KCNJ14: variants seen among roughly 807,000 people sequenced by gnomAD.
KCNJ14 encodes the protein ATP-sensitive inward rectifier potassium channel 14.
Under a neutral mutation model 24.5 loss-of-function variants are expected in KCNJ14, and 18 were observed. The ratio of observed to expected loss-of-function variants is 0.74; its 90% CI spans 0.51 to 1.09. The LOEUF is 1.09. Ranked by LOEUF, KCNJ14 falls within the 50% of genes least tolerant of loss-of-function variation. The pLI is 0.00. For missense variants in KCNJ14, 633 were observed against 623.0 expected, an observed-to-expected ratio of 1.02 and a Z score of -0.17; for synonymous variants, 288 against 270.8, an observed-to-expected ratio of 1.06 and a Z score of -0.63.
chr19:48,463,280 G>A (rs918372739), intron 2 of KCNJ14, among the ~76,000 whole-genome samples: 2 of 152,134 alleles, frequency 1.3e-5, no homozygotes, highest in African/African-American at 2.4e-5. Flanking sequence ...AGAGGATCGG[G>A]GGTGGTGGGA....
chr19:48,464,998 G>A lies in KCNJ14; in HGVS notation c.*221G>A, dbSNP rs1036477959. Reference sequence around the variant, plus strand: ...GTGCTCCCTCCTGAGAACCCTTTATGAGCCTGATTCCTCAGTCTCACCAGA... The same window carrying A: ...GTGCTCCCTCCTGAGAACCCTTTATAAGCCTGATTCCTCAGTCTCACCAGA... On this transcript the variant is annotated 3_prime_UTR_variant, in exon 3 of 3. Transcript: ENST00000342291. 1.4e-5 allele frequency: 8 copies of A among 557,782 alleles called. No individual in the cohort carries two copies. Among genetic ancestry groups the A allele is most frequent in the East Asian group, 5.8e-5 (2 of 34,566 alleles). 34.6% of individuals were successfully genotyped at this position (557,782 alleles called of 1,614,324 possible). A position where few individuals can be genotyped will look rare whatever the true frequency, so the allele number is the denominator to read the frequency against.
intron 1 of KCNJ14, 96 bp downstream of exon 1, chr19:48,455,954 T>C (rs755830902): frequency 9.2e-5 from 14 of 152,052 alleles, no homozygotes; most frequent in Non-Finnish European, 1.8e-4. Flanking sequence ...GAAACCAGAG[T>C]GCTCTTGAGA....
rs1971605481 is a variant in KCNJ14, at chr19:48,462,051, G to A, written c.327G>A (p.Trp109Ter). ...GGCTGCTCTTCGGCCTGGCCTTCTG[G>A]CTCATTGCCTCGCTGCACGGCGACC... is the stretch of plus-strand genomic sequence containing the variant. Reference protein sequence around the residue: ...ASWLLFGLAFWLIASLHGDLA... With the variant: ...ASWLLFGLAF The change falls in exon 2 of 3, where the codon TGG (tryptophan) becomes TGA (stop). Residue 109 changes from tryptophan to a stop codon, truncating the protein, a stop_gained. Coordinates refer to ENST00000342291, the MANE Select transcript of KCNJ14 (RefSeq NM_013348.4). LOFTEE classifies it high-confidence loss of function. The surrounding 1 kb of genome is among the most constrained non-coding windows in gnomAD (Gnocchi z 4.9). The A allele has an allele frequency of 3.1e-6, 5 of 1,610,638 alleles. No homozygotes were observed. In the African/African-American group the frequency reaches 6.7e-5, roughly 21 times the overall value.
intron 1 of KCNJ14, among the ~76,000 whole-genome samples, chr19:48,459,220 A>G (rs950977494): frequency 6.7e-6 from 1 of 149,492 alleles, no homozygotes; most frequent in Non-Finnish European, 1.5e-5. Flanking sequence ...AGCCTGGGCA[A>G]CTAAGCAAGA....
In KCNJ14 at chr19:48,464,356, T is replaced by C. The variant is rs745329360; in HGVS notation, c.890T>C (p.Phe297Ser). The C allele has an allele frequency of 6.2e-7, 1 of 1,613,242 alleles. No individual in the cohort carries two copies. Among genetic ancestry groups the C allele is most frequent in the South Asian group, 1.1e-5 (1 of 90,882 alleles). ...CGTGCCGAGCTGGCCAGGGCTGACT[T>C]TGAGCTGGTGGTCATTCTCGAGGGG... ...LGRAELARAD[F>S]ELVVILEGMV... is the part of the protein sequence containing the mutation. The change falls in exon 3 of 3, where the codon TTT (phenylalanine) becomes TCT (serine). Residue 297 changes from phenylalanine (F) to serine (S), a missense_variant. Transcript: ENST00000342291.
At chr19:48,456,109 C>T (rs1416001617) in intron 1 of KCNJ14, 2 of 152,280 alleles carry the variant, frequency 1.3e-5, no homozygotes, top group Admixed American at 1.3e-4. Context: ...AAAGCCAGGT[C>T]CCTTCATCAA....
In KCNJ14 at chr19:48,462,455, A is replaced by G; in HGVS notation, c.714+17A>G. On this transcript the variant is annotated intron_variant, in intron 2 of 2. Transcript: ENST00000342291. The surrounding 1 kb of genome is among the most constrained non-coding windows in gnomAD (Gnocchi z 4.9). ...CTGCTGCAGGTGCGCCCGGGAGGAG[A>G]GGCGGGGACTTCCGTGAGCCCTGGG... 6.9e-7 allele frequency: 1 copy of G among 1,451,512 alleles called. No individual in the cohort carries two copies. The highest frequency in any genetic ancestry group is 9.1e-7 in the Non-Finnish European group (1 of 1,097,668). 89.9% of individuals were successfully genotyped at this position (1,451,512 alleles called of 1,614,324 possible).
chr19:48,462,544 A>G lies in KCNJ14; in HGVS notation c.714+106A>G. On this transcript the variant is annotated intron_variant, in intron 2 of 2. Transcript: ENST00000342291. The surrounding 1 kb of genome is among the most constrained non-coding windows in gnomAD (Gnocchi z 4.9). ...CGGTCCTGGAGGGGGCGTGGACTAC[A>G]ACTCCCAGCAGCCTCTTGGGCCTGG... is the stretch of plus-strand genomic sequence containing the variant. 1 of 825,970 alleles carries G rather than the reference A, an allele frequency of 1.2e-6. No homozygotes were observed. The highest frequency in any genetic ancestry group is 1.8e-6 in the Non-Finnish European group (1 of 552,186). 51.2% of individuals were successfully genotyped at this position (825,970 alleles called of 1,614,324 possible).
intron 1 of KCNJ14, among the ~76,000 whole-genome samples, chr19:48,460,730 G>T (rs773518657): frequency 1.5e-4 from 23 of 152,212 alleles, no homozygotes; most frequent in Non-Finnish European, 3.1e-4. Flanking sequence ...TCAGTACATA[G>T]ATTTAGCACT....
rs397711889 is a variant in KCNJ14 at position 48,465,322 on chromosome 19, CAAA to C, written c.*557_*559del. ...AAGATCATCTTGATTGACCAAAGAC[CAAA>C]AAAAAAAAAAAGACCTGTGGTTCCA... On this transcript the variant is annotated 3_prime_UTR_variant, in exon 3 of 3. Transcript: ENST00000342291. 3.1e-5 allele frequency: 4 copies of C among 130,950 alleles called. No homozygotes were observed. The highest frequency in any genetic ancestry group is 5.0e-5 in the Non-Finnish European group (3 of 59,960). The allele number at this position is 130,950 out of a possible 1,614,324, so 8.1% of individuals were successfully genotyped here.
At position 48,462,459 on chromosome 19, in the gene KCNJ14, G is replaced by A. The variant is rs762026869; in HGVS notation, c.714+21G>A. 2 of 1,444,706 alleles carry A rather than the reference G, an allele frequency of 1.4e-6. No individual in the cohort carries two copies. Among genetic ancestry groups the A allele is most frequent in the Non-Finnish European group, 1.8e-6 (2 of 1,092,674 alleles). 89.5% of individuals were successfully genotyped at this position (1,444,706 alleles called of 1,614,324 possible). ...TGCAGGTGCGCCCGGGAGGAGAGGC[G>A]GGGACTTCCGTGAGCCCTGGGGGAT... On this transcript the variant is annotated intron_variant, in intron 2 of 2. Transcript: ENST00000342291. The surrounding 1 kb of genome is among the most constrained non-coding windows in gnomAD (Gnocchi z 4.9).
In KCNJ14 at chr19:48,462,518, G is replaced by C; in HGVS notation, c.714+80G>C. The C allele has an allele frequency of 8.7e-7, 1 of 1,145,104 alleles. No homozygotes were observed. The highest frequency in any genetic ancestry group is 1.2e-6 in the Non-Finnish European group (1 of 835,616). The allele number at this position is 1,145,104 out of a possible 1,614,324, so 70.9% of individuals were successfully genotyped here. A position where few individuals can be genotyped will look rare whatever the true frequency, so the allele number is the denominator to read the frequency against. Reference sequence around the variant, plus strand: ...ATGTAGGCCCGAGGGCGAGGGGCGTGCGGTCCTGGAGGGGGCGTGGACTAC... The same window carrying C: ...ATGTAGGCCCGAGGGCGAGGGGCGTCCGGTCCTGGAGGGGGCGTGGACTAC... On this transcript the variant is annotated intron_variant, in intron 2 of 2. Coordinates refer to ENST00000342291, the MANE Select transcript of KCNJ14 (RefSeq NM_013348.4). The surrounding 1 kb of genome is among the most constrained non-coding windows in gnomAD (Gnocchi z 4.9).
Position 48,458,962 on chromosome 19 carries a change from C to T in KCNJ14, c.-55-2708C>T, listed in dbSNP as rs942138321. 7.3e-5 allele frequency among the ~76,000 whole-genome samples: 9 copies of T among 123,464 alleles called. 1 individual carries two copies. Among genetic ancestry groups the T allele is most frequent in the Non-Finnish European group, 8.4e-5 (5 of 59,810 alleles). 81.0% of individuals were successfully genotyped at this position (123,464 alleles called of 152,430 possible). A position where few individuals can be genotyped will look rare whatever the true frequency, so the allele number is the denominator to read the frequency against. On this transcript the variant is annotated intron_variant, in intron 1 of 2. Transcript: ENST00000342291. ...AAAAAAAAAAAAAAAAAAAAAAAGC[C>T]GGGGGTGGTGGCTCACGCCTGTAAT...
In KCNJ14 at chr19:48,462,076, C is replaced by G. The variant is rs779970725; in HGVS notation, c.352C>G (p.Leu118Val). The G allele has an allele frequency of 6.2e-7, 1 of 1,606,340 alleles. No homozygotes were observed. The highest frequency in any genetic ancestry group is 1.7e-5 in the Admixed American group (1 of 59,642). ...GCTCATTGCCTCGCTGCACGGCGAC[C>G]TGGCCGCCCCGCCACCGCCCGCGCC... Reference protein sequence around the residue: ...FWLIASLHGDLAAPPPPAPCF... With the variant: ...FWLIASLHGDVAAPPPPAPCF... The change falls in exon 2 of 3, where the codon CTG becomes GTG. Residue 118 changes from leucine to valine, a missense_variant. Physicochemically the swap from Leu to Val is conservative, Grantham distance 32. Transcript: ENST00000342291. This position sits in a 1 kb window ranked among gnomAD's most constrained non-coding sequence, Gnocchi z 4.9.
chr19:48,462,527 G>T lies in KCNJ14; in HGVS notation c.714+89G>T. On this transcript the variant is annotated intron_variant, in intron 2 of 2. Transcript: ENST00000342291. The surrounding 1 kb of genome is among the most constrained non-coding windows in gnomAD (Gnocchi z 4.9). ...CGAGGGCGAGGGGCGTGCGGTCCTG[G>T]AGGGGGCGTGGACTACAACTCCCAG... 4 of 1,017,780 alleles carry T rather than the reference G, an allele frequency of 3.9e-6. No individual in the cohort carries two copies. Among genetic ancestry groups the T allele is most frequent in the East Asian group, 5.4e-5 (2 of 36,778 alleles). 63.0% of individuals were successfully genotyped at this position (1,017,780 alleles called of 1,614,324 possible). A position where few individuals can be genotyped will look rare whatever the true frequency, so the allele number is the denominator to read the frequency against.
Position 48,462,334 on chromosome 19 carries a change from G to T in KCNJ14, c.610G>T (p.Ala204Ser). The T allele has an allele frequency of 6.5e-7, 1 of 1,547,314 alleles. No homozygotes were observed. Reference sequence around the variant, plus strand: ...CGAGACGCTGGTCTTCAGCGAGAACGCCGTCGTGGCGCTGCGCGACCACCG... The same window carrying T: ...CGAGACGCTGGTCTTCAGCGAGAACTCCGTCGTGGCGCTGCGCGACCACCG... ...RNETLVFSEN[A>S]VVALRDHRLC... Residue 204 changes from alanine to serine, a missense_variant, in exon 2 of 3, where the codon GCC (alanine) becomes TCC (serine). By Grantham distance (99) the Ala-to-Ser change is moderately conservative (BLOSUM62 1). Coordinates refer to ENST00000342291, the MANE Select transcript of KCNJ14 (RefSeq NM_013348.4). The surrounding 1 kb of genome is among the most constrained non-coding windows in gnomAD (Gnocchi z 4.9).
rs938407774 is a variant in KCNJ14 at position 48,461,688 on chromosome 19, C to A, written c.-37C>A. On this transcript the variant is annotated 5_prime_UTR_variant, in exon 2 of 3. Transcript: ENST00000342291. ...GTCCCAGCAGGTTGGGGGCGCCTGCCCCCCACTAGGCCAAGTGGAGGGGGT... is the reference window on the plus strand; with the variant it reads ...GTCCCAGCAGGTTGGGGGCGCCTGCACCCCACTAGGCCAAGTGGAGGGGGT... 26 of 1,323,576 alleles carry A rather than the reference C, an allele frequency of 2.0e-5. No individual in the cohort carries two copies. The highest frequency in any genetic ancestry group is 2.6e-4 in the Middle Eastern group (1 of 3,802). The allele number at this position is 1,323,576 out of a possible 1,614,324, so 82.0% of individuals were successfully genotyped here.
Position 48,462,464 on chromosome 19 carries a change from C to A in KCNJ14, c.714+26C>A. 1.4e-6 allele frequency: 2 copies of A among 1,431,320 alleles called. No homozygotes were observed. The highest frequency in any genetic ancestry group is 1.8e-6 in the Non-Finnish European group (2 of 1,082,394). 88.7% of individuals were successfully genotyped at this position (1,431,320 alleles called of 1,614,324 possible). A position where few individuals can be genotyped will look rare whatever the true frequency, so the allele number is the denominator to read the frequency against. On this transcript the variant is annotated intron_variant, in intron 2 of 2. Transcript: ENST00000342291. The surrounding 1 kb of genome is among the most constrained non-coding windows in gnomAD (Gnocchi z 4.9). ...GTGCGCCCGGGAGGAGAGGCGGGGA[C>A]TTCCGTGAGCCCTGGGGGATTGTGG...
chr19:48,457,443 A>G (rs1971551311), intron 1 of KCNJ14, among the ~76,000 whole-genome samples: 1 of 152,218 alleles, frequency 6.6e-6, no homozygotes, highest in African/African-American at 2.4e-5. Context: ...CTGGGCCCTC[A>G]TCCATATGGT....
Sources: gnomAD v4.1 joint callset for allele counts (sites outside exome capture counted in the v4.1 genomes callset) on GRCh38, gnomAD v4.1.1 for gene constraint, Gnocchi (gnomAD v3.1) non-coding constraint, MANE v1.5 for transcripts, NCBI Gene and HGNC (gene_info 2026-07-23, HGNC 2026-07-21) for gene names.